Variants in RAPGEF4 observed in about 807,000 individuals in gnomAD.
RAPGEF4 encodes the protein RAP guanine-nucleotide-exchange factor (GEF) 4.
In RAPGEF4, 66 loss-of-function variants were observed where a neutral mutation model predicts 147.9. That is an observed-to-expected ratio of 0.45 (90% confidence interval 0.37 to 0.55). The LOEUF (loss-of-function observed/expected upper bound fraction) is 0.55, where lower values mean the gene tolerates loss of function less well. Among genes scored for constraint, RAPGEF4 ranks in the 20% least tolerant of loss-of-function variants. RAPGEF4 has a pLI of 0.00. For missense variants in RAPGEF4, 1,071 were observed against 1,257.3 expected, an observed-to-expected ratio of 0.85 and a Z score of 2.24; for synonymous variants, 419 against 442.7, an observed-to-expected ratio of 0.95 and a Z score of 0.67.
Position 172,983,532 on chromosome 2 carries a change from C to A in RAPGEF4, c.1041C>A (p.Ile347=). 1 of 1,611,816 alleles carries A rather than the reference C, an allele frequency of 6.2e-7. No individual in the cohort carries two copies. The highest frequency in any genetic ancestry group is 1.1e-5 in the South Asian group (1 of 91,010). The change falls in exon 11 of 31, where the codon ATC becomes ATA. Residue 347 remains isoleucine (I), a synonymous_variant. Transcript: ENST00000397081. ...GQRTVDDLEI[I]YEELLHIKAL... Reference sequence around the variant, plus strand: ...GGACTGTGGATGACCTAGAGATTATCTATGAGGAGCTTCTTCATATTAAAG... The same window carrying A: ...GGACTGTGGATGACCTAGAGATTATATATGAGGAGCTTCTTCATATTAAAG...
intron 25 of RAPGEF4, among the ~76,000 whole-genome samples, chr2:173,027,591 T>C (rs1266741944): frequency 6.6e-6 from 1 of 152,204 alleles, no homozygotes; most frequent in Non-Finnish European, 1.5e-5. Flanking sequence ...GAAAGTTCAG[T>C]TGAAAAGATC....
chr2:172,738,681 A>C (rs972839217), intron 1 of RAPGEF4, among the ~76,000 whole-genome samples: 9 of 152,216 alleles, frequency 5.9e-5, no homozygotes, highest in African/African-American at 2.2e-4. Flanking sequence ...AACCCTGCAC[A>C]AAAGAGAAAG....
At position 173,016,541 on chromosome 2, in the gene RAPGEF4, C is replaced by T. The variant is rs192725066; in HGVS notation, c.1898+104C>T. ...AGCTGGTCTTTCCATAGCCATGCCC[C>T]GCTTGATTTGATTTAAGCAGACTGG... On this transcript the variant is annotated intron_variant, in intron 19 of 30. Transcript: ENST00000397081. 41 of 928,258 alleles carry T rather than the reference C, an allele frequency of 4.4e-5. 1 individual carries two copies. Among genetic ancestry groups the T allele is most frequent in the East Asian group, 2.2e-4 (9 of 40,104 alleles). 57.5% of individuals were successfully genotyped at this position (928,258 alleles called of 1,614,324 possible).
At chr2:173,015,614 C>T (rs1362614148) in intron 18 of RAPGEF4, among the ~76,000 whole-genome samples, 2 of 152,192 alleles carry the variant, frequency 1.3e-5, no homozygotes, top group African/African-American at 4.8e-5. Context: ...GACTCATGGC[C>T]TCTACCCGCT....
chr2:172,905,345 C>G (rs188144250), intron 4 of RAPGEF4, among the ~76,000 whole-genome samples: 1 of 152,192 alleles, frequency 6.6e-6, no homozygotes, highest in African/African-American at 2.4e-5. Context: ...CACCCCCCAG[C>G]AGGCATGCAG....
Position 173,052,301 on chromosome 2 carries a change from A to T in RAPGEF4, c.*534A>T, listed in dbSNP as rs1050967258. The T allele has an allele frequency of 6.5e-6, 1 of 152,742 alleles. No individual in the cohort carries two copies. The highest frequency in any genetic ancestry group is 2.4e-5 in the African/African-American group (1 of 41,460). The allele number at this position is 152,742 out of a possible 1,614,324, so 9.5% of individuals were successfully genotyped here. On this transcript the variant is annotated 3_prime_UTR_variant, in exon 31 of 31. Coordinates refer to ENST00000397081, the MANE Select transcript of RAPGEF4 (RefSeq NM_007023.4). ...CTCTGAAGGAATAGAACCTGACCAC[A>T]TTATTATGAAACATTATGGCTGTTT...
intron 5 of RAPGEF4, among the ~76,000 whole-genome samples, chr2:172,920,868 G>A (rs1432930686): frequency 1.3e-5 from 2 of 152,074 alleles, no homozygotes; most frequent in Non-Finnish European, 1.5e-5. Context: ...GCTGACCTGA[G>A]GCCATCCTTC....
In RAPGEF4 at chr2:172,776,730, C is replaced by T. The variant is rs1277655849; in HGVS notation, c.66-18295C>T. ...TGCCCAATCTACTATTAAGTCCATA[C>T]AGTGAATTTTTTTCATATTTTGTAT... On this transcript the variant is annotated intron_variant, in intron 1 of 30. Coordinates refer to ENST00000397081, the MANE Select transcript of RAPGEF4 (RefSeq NM_007023.4). Among the ~76,000 whole-genome samples, 3 of 152,182 alleles carry T rather than the reference C, an allele frequency of 2.0e-5. No homozygotes were observed. The East Asian group carries it at 5.8e-4, about 29-fold the overall frequency.
intron 23 of RAPGEF4, 109 bp downstream of exon 23, chr2:173,020,824 T>C: frequency 1.3e-6 from 1 of 791,864 alleles, no homozygotes; most frequent in Non-Finnish European, 2.1e-6. Context: ...TGAATGGTAC[T>C]TAGCTTTTTC....
chr2:172,915,807 T>C (rs955449684), intron 4 of RAPGEF4, among the ~76,000 whole-genome samples: 2 of 152,070 alleles, frequency 1.3e-5, no homozygotes, highest in African/African-American at 4.8e-5. Flanking sequence ...GAGTTAATAA[T>C]TATTGAAGTT....
intron 3 of RAPGEF4, among the ~76,000 whole-genome samples, chr2:172,803,297 A>G (rs1424034204): frequency 1.3e-5 from 2 of 152,178 alleles, no homozygotes; most frequent in Non-Finnish European, 2.9e-5. Flanking sequence ...ACATCCTCTG[A>G]AATCTAGGCA....
intron 4 of RAPGEF4, among the ~76,000 whole-genome samples, chr2:172,891,817 T>C (rs1392642712): frequency 1.3e-5 from 2 of 152,190 alleles, no homozygotes; most frequent in Non-Finnish European, 2.9e-5. Flanking sequence ...AATACAAATA[T>C]ACTTGAAAGC....
At chr2:173,034,056 TC>T in intron 27 of RAPGEF4, 92 bp downstream of exon 27, 1 of 1,233,810 alleles carries the variant, frequency 8.1e-7, no homozygotes, top group South Asian at 1.4e-5. Flanking sequence ...GGAAATTTTA[TC>T]TGTCCTTATA....
chr2:173,030,985 A>C (rs549870994), intron 26 of RAPGEF4, among the ~76,000 whole-genome samples: 1 of 152,218 alleles, frequency 6.6e-6, no homozygotes, highest in Non-Finnish European at 1.5e-5. Context: ...TAGAACATAC[A>C]TACAGAAATA....
chr2:172,754,905 T>TG (rs1266254661), intron 1 of RAPGEF4, among the ~76,000 whole-genome samples: 5 of 152,098 alleles, frequency 3.3e-5, no homozygotes, highest in Non-Finnish European at 7.4e-5. Flanking sequence ...TAGCTGGGCC[T>TG]GGTGGCAGGC....
intron 17 of RAPGEF4, among the ~76,000 whole-genome samples, chr2:173,011,547 C>CCT (rs145215817): frequency 1.3e-5 from 2 of 150,510 alleles, no homozygotes; most frequent in African/African-American, 4.9e-5. Flanking sequence ...AAGAATCTTT[C>CCT]CTCTCTCTCT....
intron 6 of RAPGEF4, among the ~76,000 whole-genome samples, chr2:172,934,826 A>G (rs1012871774): frequency 6.6e-6 from 1 of 152,114 alleles, no homozygotes; most frequent in Non-Finnish European, 1.5e-5. Flanking sequence ...TTAGGTTACT[A>G]TATAACTCCA....
chr2:172,750,375 AG>A (rs1163441332), intron 1 of RAPGEF4, among the ~76,000 whole-genome samples: 1 of 152,052 alleles, frequency 6.6e-6, no homozygotes, highest in Non-Finnish European at 1.5e-5. Context: ...TATTGGCGGC[AG>A]GCAAGAGAGA....
chr2:172,814,056 T>G (rs532943343), intron 3 of RAPGEF4, among the ~76,000 whole-genome samples: 1 of 152,286 alleles, frequency 6.6e-6, no homozygotes, highest in South Asian at 2.1e-4. Flanking sequence ...TATCTGAGTG[T>G]CTTGCCTGGA....
Sources: allele counts gnomAD v4.1 joint callset (sites outside exome capture counted in the v4.1 genomes callset), GRCh38; gene constraint gnomAD v4.1.1; transcripts MANE v1.5; gene names NCBI Gene and HGNC (gene_info 2026-07-23, HGNC 2026-07-21).